Variants in ERICH6B observed in about 807,000 individuals in gnomAD.
ERICH6B encodes glutamate-rich protein 6B.
In ERICH6B, 69 loss-of-function variants were observed where a neutral mutation model predicts 80.0. The observed-to-expected ratio is 0.86, with a 90% CI of 0.71 to 1.05. The LOEUF (loss-of-function observed/expected upper bound fraction) is 1.05. Ranked by LOEUF, ERICH6B falls within the 50% of genes least tolerant of loss-of-function variation. The pLI is 0.00. For missense variants in ERICH6B, 754 were observed against 796.1 expected (o/e 0.95, Z 0.64); for synonymous variants, 283 against 291.9 (o/e 0.97, Z 0.31).
intron 3 of ERICH6B, among the ~76,000 whole-genome samples, chr13:45,594,394 A>G (rs181850129): frequency 1.9e-3 from 291 of 152,312 alleles, no homozygotes; most frequent in African/African-American, 6.8e-3. Flanking sequence ...AGTGGGTAAT[A>G]TATTTTCAAA....
intron 5 of ERICH6B, among the ~76,000 whole-genome samples, chr13:45,583,962 C>T (rs1228234310): frequency 1.3e-5 from 2 of 152,240 alleles, no homozygotes; most frequent in Non-Finnish European, 2.9e-5. Flanking sequence ...CATTTCTATA[C>T]ACACAATGTC....
intron 13 of ERICH6B, among the ~76,000 whole-genome samples, chr13:45,549,540 G>A (rs11843769): frequency 0.094 from 14,369 of 152,182 alleles, 1,994 homozygotes; most frequent in African/African-American, 0.3. Flanking sequence ...TCTCCAAACC[G>A]TCACCAAACC....
At position 45,558,933 on chromosome 13, in the gene ERICH6B, G is replaced by A. The variant is rs552057869; in HGVS notation, c.1407+2436C>T. On this transcript the variant is annotated intron_variant, in intron 11 of 14. Coordinates refer to ENST00000298738, the MANE Select transcript of ERICH6B (RefSeq NM_182542.3). ...CCTTTCCTGGTTTTGGTATTAGGGT[G>A]ACACTGGCTTCACAGAATGATTAAG... 7.2e-5 allele frequency among the ~76,000 whole-genome samples: 11 copies of A among 152,298 alleles called. No individual in the cohort carries two copies. In the East Asian group the frequency reaches 2.1e-3, roughly 29 times the overall value.
chr13:45,610,383 C>T (rs1430243273), intron 1 of ERICH6B, among the ~76,000 whole-genome samples: 1 of 152,142 alleles, frequency 6.6e-6, no homozygotes, highest in East Asian at 1.9e-4. Flanking sequence ...ACCCCCAACC[C>T]TTTTCCCCAA....
chr13:45,571,311 G>A (rs1319147888), intron 8 of ERICH6B, among the ~76,000 whole-genome samples: 2 of 152,082 alleles, frequency 1.3e-5, no homozygotes, highest in Non-Finnish European at 2.9e-5. Flanking sequence ...CCTAATCATA[G>A]GGGTCCTATT....
At chr13:45,590,515 C>A in intron 4 of ERICH6B, 134 bp downstream of exon 4, 1 of 783,730 alleles carries the variant, frequency 1.3e-6, no homozygotes, top group Non-Finnish European at 2.0e-6. Flanking sequence ...GTTGTAACTT[C>A]CAGGAACCCC....
In ERICH6B at chr13:45,544,305, C is replaced by T. The variant is rs571003262; in HGVS notation, c.1872+455G>A. Among the ~76,000 whole-genome samples the T allele has an allele frequency of 1.8e-4, 27 of 152,250 alleles. 1 individual carries two copies. In the South Asian group the frequency reaches 4.3e-3, roughly 25 times the overall value. The stretch of plus-strand genomic sequence containing the variant: ...GGCCAGGCTGGTCTCGAACTCCTGG[C>T]GCTAAGTGATCCACCTGCTTCGGCC... On this transcript the variant is annotated intron_variant, in intron 14 of 14. Transcript: ENST00000298738.
At chr13:45,557,763 G>T (rs1874500737) in intron 11 of ERICH6B, among the ~76,000 whole-genome samples, 1 of 152,116 alleles carries the variant, frequency 6.6e-6, no homozygotes, top group Non-Finnish European at 1.5e-5. Context: ...TTATTGCTGG[G>T]TTCTCTATTC....
At chr13:45,553,099 T>A (rs563078075) in intron 11 of ERICH6B, 2 of 345,804 alleles carry the variant, frequency 5.8e-6, no homozygotes, top group East Asian at 1.8e-4. Flanking sequence ...TTCCTTAAAC[T>A]GTTTTATCTG....
At chr13:45,568,579 G>A (rs1875022861) in intron 8 of ERICH6B, 128 bp from the exon 9 acceptor site, 1 of 935,006 alleles carries the variant, frequency 1.1e-6, no homozygotes. Context: ...ACAAAAATGG[G>A]AACCAGGGGC....
At chr13:45,592,018 C>T (rs552326609) in intron 3 of ERICH6B, among the ~76,000 whole-genome samples, 9 of 152,162 alleles carry the variant, frequency 5.9e-5, no homozygotes, top group African/African-American at 1.2e-4. Context: ...GGAGGAGAAG[C>T]GACTAGAAGA....
chr13:45,597,148 A>T, intron 2 of ERICH6B, 85 bp from the exon 3 acceptor site: 1 of 969,392 alleles, frequency 1.0e-6, no homozygotes, highest in Non-Finnish European at 1.5e-6. Context: ...CACTTATTTC[A>T]TTCAGTAGTC....
Position 45,609,830 on chromosome 13 carries a change from A to C in ERICH6B, c.-110-2215T>G, listed in dbSNP as rs141209029. Among the ~76,000 whole-genome samples, 114 of 152,360 alleles carry C rather than the reference A, an allele frequency of 7.5e-4. 1 individual carries two copies. The highest frequency in any genetic ancestry group is 2.6e-3 in the African/African-American group (108 of 41,576). On this transcript the variant is annotated intron_variant, in intron 1 of 14. Transcript: ENST00000298738. ...AACTGCATCATTAGGCAATTTTGCC[A>C]TTGTGTTGAAACCACCTTTGCAAAA...
intron 10 of ERICH6B, among the ~76,000 whole-genome samples, chr13:45,562,410 T>C (rs1373526413): frequency 3.3e-5 from 5 of 152,256 alleles, no homozygotes; most frequent in Non-Finnish European, 1.5e-5. Context: ...ATTCATTTTG[T>C]CCATTTTTAT....
At position 45,596,675 on chromosome 13, in the gene ERICH6B, C is replaced by T; in HGVS notation, c.331G>A (p.Glu111Lys). The T allele has an allele frequency of 6.4e-7, 1 of 1,551,960 alleles. No homozygotes were observed. The highest frequency in any genetic ancestry group is 8.7e-7 in the Non-Finnish European group (1 of 1,146,956). Residue 111 changes from glutamate (E) to lysine (K), a missense_variant, in exon 3 of 15, where the codon GAA becomes AAA. Transcript: ENST00000298738. ...TCCTTCCCCAGATACTCTTCCTCTT[C>T]AATATACTCTTCCTCCTCCAGATAC... ...AGYLEEEEYI[E>K]EEEYLGKEGY... is the part of the protein sequence containing the mutation.
intron 11 of ERICH6B, among the ~76,000 whole-genome samples, chr13:45,561,149 T>C (rs1010287898): frequency 6.6e-6 from 1 of 152,178 alleles, no homozygotes; most frequent in Admixed American, 6.5e-5. Context: ...AATTGCCTAA[T>C]AGAGACCCTG....
chr13:45,541,732 T>G, intron 14 of ERICH6B, 52 bp from the exon 15 acceptor site: 1 of 1,510,834 alleles, frequency 6.6e-7, no homozygotes, highest in Non-Finnish European at 9.0e-7. Context: ...CTGAGCACGG[T>G]GCCCCAGACC....
At position 45,580,430 on chromosome 13, in the gene ERICH6B, A is replaced by G. The variant is rs1405104039; in HGVS notation, c.919+173T>C. On this transcript the variant is annotated intron_variant, in intron 6 of 14. Coordinates refer to ENST00000298738, the MANE Select transcript of ERICH6B (RefSeq NM_182542.3). ...TGTTACTTGAGCCTGGAGCCTCAAC[A>G]TTAAATTCCAGAAATAATGCCTTGG... Among the ~76,000 whole-genome samples the G allele has an allele frequency of 2.6e-5, 4 of 152,186 alleles. No individual in the cohort carries two copies. In the East Asian group the frequency reaches 7.7e-4, roughly 29 times the overall value.
rs1875336240 is a variant in ERICH6B at position 45,575,057 on chromosome 13, T to C, written c.962-127A>G. The C allele has an allele frequency of 6.3e-6, 4 of 631,260 alleles. 1 individual carries two copies. Among genetic ancestry groups the C allele is most frequent in the Admixed American group, 2.9e-5 (1 of 34,758 alleles). 39.1% of individuals were successfully genotyped at this position (631,260 alleles called of 1,614,324 possible). ...TTTGCCCTTCCAAAAAATGCATACA[T>C]CATCAATGAGATGTTAAATAGGTTA... On this transcript the variant is annotated intron_variant, in intron 7 of 14. Transcript: ENST00000298738.
Sources: allele counts gnomAD v4.1 joint callset (sites outside exome capture counted in the v4.1 genomes callset), GRCh38; gene constraint gnomAD v4.1.1; transcripts MANE v1.5; gene names NCBI Gene and HGNC (gene_info 2026-07-23, HGNC 2026-07-21).